Variants in PACRG observed in about 807,000 individuals in gnomAD.
PACRG encodes the protein parkin coregulated.
In PACRG, 29 loss-of-function variants were observed where a neutral mutation model predicts 29.7. The observed-to-expected ratio is 0.98, with a 90% CI of 0.73 to 1.33. PACRG has a LOEUF of 1.33. Among genes scored for constraint, PACRG ranks in the 40% most tolerant of loss-of-function variants. The probability of loss-of-function intolerance (pLI) is 0.00; values close to 1 mark genes in which losing one functional copy is unlikely to be tolerated. For missense variants in PACRG, 279 were observed against 316.2 expected (o/e 0.88, Z 0.89); for synonymous variants, 116 against 118.7 (o/e 0.98, Z 0.15).
intron 1 of PACRG, among the ~76,000 whole-genome samples, chr6:162,794,664 G>A (rs1785225069): frequency 6.6e-6 from 1 of 152,136 alleles, no homozygotes; most frequent in South Asian, 2.1e-4. Context: ...TGAATATGCA[G>A]TTGTCCCGCA....
intron 3 of PACRG, among the ~76,000 whole-genome samples, chr6:163,074,121 G>A (rs959834175): frequency 3.3e-5 from 5 of 152,092 alleles, no homozygotes; most frequent in African/African-American, 4.8e-5. Flanking sequence ...ATCTGCATTC[G>A]CGTATTTATT....
intron 4 of PACRG, among the ~76,000 whole-genome samples, chr6:163,237,642 C>T (rs1232992661): frequency 6.6e-6 from 1 of 152,182 alleles, no homozygotes; most frequent in Non-Finnish European, 1.5e-5. Context: ...TCTAAGGCCA[C>T]ATTTCTGTTC....
rs145279684 is a variant in PACRG at position 163,314,489 on chromosome 6, G to A, written c.614-338G>A. ...ATAGACTGTTCCTTCTAAGTACACCGTGCTGTGATTTTGGAAAACTCAGGG... is the reference window on the plus strand; with the variant it reads ...ATAGACTGTTCCTTCTAAGTACACCATGCTGTGATTTTGGAAAACTCAGGG... On this transcript the variant is annotated intron_variant, in intron 4 of 4. Transcript: ENST00000366888. 7.9e-5 allele frequency among the ~76,000 whole-genome samples: 12 copies of A among 152,202 alleles called. No homozygotes were observed. The East Asian group carries it at 1.2e-3, about 15-fold the overall frequency.
chr6:163,277,483 G>GTGTATATA (rs1554239299), intron 4 of PACRG, among the ~76,000 whole-genome samples: 10 of 142,164 alleles, frequency 7.0e-5, no homozygotes, highest in African/African-American at 2.6e-4. Context: ...GTGTATGTGT[G>GTGTATATA]TATATATATA....
At chr6:162,851,494 A>G (rs1390415428) in intron 2 of PACRG, among the ~76,000 whole-genome samples, 1 of 152,242 alleles carries the variant, frequency 6.6e-6, no homozygotes, top group Admixed American at 6.5e-5. Flanking sequence ...TGTAATTTCT[A>G]GTGAAATACA....
At chr6:163,076,975 A>G (rs1444205178) in intron 3 of PACRG, among the ~76,000 whole-genome samples, 5 of 152,232 alleles carry the variant, frequency 3.3e-5, no homozygotes, top group African/African-American at 1.2e-4. Context: ...CAAGAGATGC[A>G]TCAAAATATT....
chr6:163,165,801 C>G (rs1236821794), intron 4 of PACRG: 4 of 266,232 alleles, frequency 1.5e-5, no homozygotes, highest in Non-Finnish European at 3.0e-5. Context: ...ACTCAGAGGC[C>G]TCTGTGACGG....
rs559233247 is a variant in PACRG at position 162,800,739 on chromosome 6, T to C, written c.157-13408T>C. ...TTGCAGTTCCTCTTAGCTCCAAAAG[T>C]GTGTGAATGCTCTGATAATATTGTA... On this transcript the variant is annotated intron_variant, in intron 1 of 4. Transcript: ENST00000366888. 5.9e-5 allele frequency among the ~76,000 whole-genome samples: 9 copies of C among 152,256 alleles called. No homozygotes were observed. In the East Asian group the frequency reaches 1.7e-3, roughly 29 times the overall value.
chr6:163,177,035 C>T (rs1292386424), intron 4 of PACRG, among the ~76,000 whole-genome samples: 1 of 152,114 alleles, frequency 6.6e-6, no homozygotes, highest in Non-Finnish European at 1.5e-5. Flanking sequence ...GTGAGCCAGC[C>T]TGGAGACTGT....
intron 4 of PACRG, among the ~76,000 whole-genome samples, chr6:163,281,886 T>C (rs1488831192): frequency 6.6e-6 from 1 of 152,194 alleles, no homozygotes; most frequent in Non-Finnish European, 1.5e-5. Context: ...CAGCATTCTT[T>C]CCTTTCTTAT....
intron 4 of PACRG, among the ~76,000 whole-genome samples, chr6:163,193,075 A>C (rs1329305318): frequency 6.6e-6 from 1 of 152,236 alleles, no homozygotes; most frequent in Non-Finnish European, 1.5e-5. Context: ...TGCTTGATAC[A>C]GACATTTGAA....
chr6:163,007,436 T>A (rs1402881046), intron 2 of PACRG, among the ~76,000 whole-genome samples: 2 of 152,232 alleles, frequency 1.3e-5, no homozygotes, highest in African/African-American at 4.8e-5. Context: ...CCTTTCATAT[T>A]TCTTGAAGTG....
chr6:162,901,616 A>G (rs1431656444), intron 2 of PACRG, among the ~76,000 whole-genome samples: 4 of 152,236 alleles, frequency 2.6e-5, no homozygotes, highest in African/African-American at 9.6e-5. Context: ...ACAACCTCAA[A>G]AACAACGTAT....
chr6:162,866,470 T>C (rs574539571), intron 2 of PACRG, among the ~76,000 whole-genome samples: 1 of 152,304 alleles, frequency 6.6e-6, no homozygotes, highest in African/African-American at 2.4e-5. Context: ...CCAGGTACTA[T>C]CCTTACTGAC....
intron 4 of PACRG, chr6:163,165,914 C>T (rs973531045): frequency 2.8e-6 from 1 of 362,156 alleles, no homozygotes; most frequent in Non-Finnish European, 5.4e-6. Context: ...ATCTAAGGCA[C>T]CATTAGCCAT....
At chr6:163,071,609 A>G (rs1812058503) in intron 3 of PACRG, among the ~76,000 whole-genome samples, 1 of 151,936 alleles carries the variant, frequency 6.6e-6, no homozygotes, top group South Asian at 2.1e-4. Context: ...TAAATAACCT[A>G]ACAATGCATC....
chr6:163,081,766 G>GT (rs1813103025), intron 3 of PACRG, among the ~76,000 whole-genome samples: 1 of 152,056 alleles, frequency 6.6e-6, no homozygotes, highest in Non-Finnish European at 1.5e-5. Flanking sequence ...AGAAAAAAAA[G>GT]TGGGGGGGAG....
intron 4 of PACRG, among the ~76,000 whole-genome samples, chr6:163,296,077 C>T (rs1784769276): frequency 6.6e-6 from 1 of 152,136 alleles, no homozygotes; most frequent in African/African-American, 2.4e-5. Flanking sequence ...TGTTAGGAGA[C>T]TCGTGGAAAC....
intron 2 of PACRG, among the ~76,000 whole-genome samples, chr6:162,850,781 G>T (rs1292131113): frequency 2.0e-5 from 3 of 152,188 alleles, no homozygotes; most frequent in Non-Finnish European, 1.5e-5. Flanking sequence ...TTAGTGCTGT[G>T]AGCTACTCTA....
Sources: gnomAD v4.1 joint callset for allele counts (sites outside exome capture counted in the v4.1 genomes callset) on GRCh38, gnomAD v4.1.1 for gene constraint, MANE v1.5 for transcripts, NCBI Gene and HGNC (gene_info 2026-07-23, HGNC 2026-07-21) for gene names.